FRMD4B: variants seen among roughly 807,000 people sequenced by gnomAD.
FRMD4B encodes FERM domain-containing protein 4B.
Under a neutral mutation model 141.5 loss-of-function variants are expected in FRMD4B, and 74 were observed. The ratio of observed to expected loss-of-function variants is 0.52; its 90% CI spans 0.43 to 0.63. The LOEUF is 0.63. Among genes scored for constraint, FRMD4B ranks in the 30% least tolerant of loss-of-function variants. The pLI is 0.00. For missense variants in FRMD4B, 1,366 were observed against 1,253.4 expected, an observed-to-expected ratio of 1.09 and a Z score of -1.36; for synonymous variants, 506 against 467.9, an observed-to-expected ratio of 1.08 and a Z score of -1.05.
intron 20 of FRMD4B, among the ~76,000 whole-genome samples, chr3:69,182,270 C>T (rs962907053): frequency 1.3e-5 from 2 of 152,104 alleles, no homozygotes; most frequent in African/African-American, 2.4e-5. Context: ...ACTAAATAAT[C>T]CAGTGAATAT....
At chr3:69,271,836 A>G (rs2093595780) in intron 5 of FRMD4B, among the ~76,000 whole-genome samples, 1 of 152,076 alleles carries the variant, frequency 6.6e-6, no homozygotes, top group Admixed American at 6.5e-5. Context: ...TTAGCTGGGC[A>G]TGGTGGCGGA....
At chr3:69,509,880 T>C (rs1207030635) in intron 1 of FRMD4B, among the ~76,000 whole-genome samples, 1 of 151,740 alleles carries the variant, frequency 6.6e-6, no homozygotes, top group Non-Finnish European at 1.5e-5. Flanking sequence ...GAGTATCAAA[T>C]ATTGCAATCA....
Position 69,365,735 on chromosome 3 carries a change from T to G in FRMD4B, c.162+20093A>C, listed in dbSNP as rs562390226. Reference sequence around the variant, plus strand: ...CTCATCTTGAACTCTTGACTTCAAGTGATACACCCGCCTCGGCCTCCCAAA... The same window carrying G: ...CTCATCTTGAACTCTTGACTTCAAGGGATACACCCGCCTCGGCCTCCCAAA... On this transcript the variant is annotated intron_variant, in intron 1 of 22. Transcript: ENST00000398540. 3.9e-5 allele frequency among the ~76,000 whole-genome samples: 6 copies of G among 152,128 alleles called. No homozygotes were observed. In the East Asian group the frequency reaches 1.2e-3, roughly 30 times the overall value.
rs376108738 is a variant in FRMD4B at position 69,219,091 on chromosome 3, G to A, written c.732-712C>T. On this transcript the variant is annotated intron_variant, in intron 9 of 22. Coordinates refer to ENST00000398540, the MANE Select transcript of FRMD4B (RefSeq NM_015123.3). ...GAGGCAGGAGAATTGCTTGAATTCG[G>A]GAGGTGGAGGTTGCAGTGAGCCGAG... 5.8e-3 allele frequency among the ~76,000 whole-genome samples: 868 copies of A among 150,462 alleles called. 3 individuals carry two copies. Among genetic ancestry groups the A allele is most frequent in the Middle Eastern group, 0.038 (11 of 288 alleles).
Position 69,289,278 on chromosome 3 carries a change from G to A in FRMD4B, c.417-1442C>T, listed in dbSNP as rs563160919. On this transcript the variant is annotated intron_variant, in intron 4 of 22. Transcript: ENST00000398540. Reference sequence around the variant, plus strand: ...CTTTTTTAAATTGAATGTCGTGACTGTACTTATCTCTGAGGAAAGAACAGA... The same window carrying A: ...CTTTTTTAAATTGAATGTCGTGACTATACTTATCTCTGAGGAAAGAACAGA... 7.2e-5 allele frequency among the ~76,000 whole-genome samples: 11 copies of A among 152,286 alleles called. 1 individual carries two copies. In the South Asian group the frequency reaches 2.3e-3, roughly 32 times the overall value.
At chr3:69,196,701 C>T (rs1353540670) in intron 13 of FRMD4B, 199 bp downstream of exon 13, 2 of 583,040 alleles carry the variant, frequency 3.4e-6, no homozygotes, top group Admixed American at 6.8e-5. Flanking sequence ...AAAAGTTGGC[C>T]AGTCTTACAA....
At chr3:69,389,456 G>A (rs182100300), upstream of FRMD4B, among the ~76,000 whole-genome samples, 194 of 152,280 alleles carry the variant, frequency 1.3e-3, 3 homozygotes, top group Admixed American at 0.01. Context: ...GTGGCAACTT[G>A]TTTTCAGGGA....
intron 7 of FRMD4B, among the ~76,000 whole-genome samples, chr3:69,231,804 G>A (rs1462824992): frequency 6.6e-6 from 1 of 152,220 alleles, no homozygotes; most frequent in African/African-American, 2.4e-5. Flanking sequence ...CCACTGGGAT[G>A]TTAGAAACAC....
chr3:69,531,711 T>C (rs1701011400), intron 1 of FRMD4B, among the ~76,000 whole-genome samples: 1 of 152,202 alleles, frequency 6.6e-6, no homozygotes, highest in South Asian at 2.1e-4. Flanking sequence ...TTTCATAGCT[T>C]TTCTCTGAGA....
At chr3:69,420,208 A>G (rs947330360) in intron 2 of FRMD4B, among the ~76,000 whole-genome samples, 1 of 151,094 alleles carries the variant, frequency 6.6e-6, no homozygotes, top group African/African-American at 2.4e-5. Flanking sequence ...ATCCCTGGGA[A>G]AAATCTCAGA....
chr3:69,489,253 T>C (rs1040670075), intron 1 of FRMD4B, among the ~76,000 whole-genome samples: 4 of 148,958 alleles, frequency 2.7e-5, no homozygotes, highest in Non-Finnish European at 6.0e-5. Context: ...AGAAAATATA[T>C]AAATGAGATA....
At chr3:69,352,735 C>T (rs1440404082) in intron 1 of FRMD4B, among the ~76,000 whole-genome samples, 3 of 152,134 alleles carry the variant, frequency 2.0e-5, no homozygotes, top group African/African-American at 4.8e-5. Context: ...AATTGGAAGC[C>T]GTCCCCAAAA....
chr3:69,494,158 G>A (rs1706348308), intron 1 of FRMD4B, among the ~76,000 whole-genome samples: 1 of 152,170 alleles, frequency 6.6e-6, no homozygotes, highest in Non-Finnish European at 1.5e-5. Context: ...GGGATTATAG[G>A]CATGAGCCAC....
At chr3:69,240,015 T>C (rs966408817) in intron 7 of FRMD4B, among the ~76,000 whole-genome samples, 1 of 150,358 alleles carries the variant, frequency 6.7e-6, no homozygotes, top group African/African-American at 2.5e-5. Context: ...ATCATGCCAC[T>C]TGCACTCCAG....
At chr3:69,190,307 T>A (rs185271593) in intron 17 of FRMD4B, among the ~76,000 whole-genome samples, 3 of 152,300 alleles carry the variant, frequency 2.0e-5, no homozygotes, top group Non-Finnish European at 2.9e-5. Flanking sequence ...GCCATTCTTA[T>A]CATAAATGCT....
chr3:69,328,506 G>A (rs1332049452), intron 1 of FRMD4B, among the ~76,000 whole-genome samples: 1 of 152,134 alleles, frequency 6.6e-6, no homozygotes, highest in East Asian at 1.9e-4. Flanking sequence ...GAGACCTACT[G>A]GGCTGCATTC....
chr3:69,173,177 T>C (rs1043636809), intron 22 of FRMD4B, among the ~76,000 whole-genome samples: 1 of 151,982 alleles, frequency 6.6e-6, no homozygotes, highest in African/African-American at 2.4e-5. Flanking sequence ...GAATGGAAAA[T>C]AGGAGGTGAA....
At chr3:69,368,571 A>C (rs1367726295) in intron 1 of FRMD4B, among the ~76,000 whole-genome samples, 1 of 152,180 alleles carries the variant, frequency 6.6e-6, no homozygotes, top group African/African-American at 2.4e-5. Flanking sequence ...CAATTGCCAC[A>C]TTTTGAGTAT....
intron 1 of FRMD4B, among the ~76,000 whole-genome samples, chr3:69,322,586 CTCTCTCTCT>C (rs1189376314): frequency 3.6e-5 from 5 of 139,182 alleles, no homozygotes; most frequent in South Asian, 4.6e-4. Context: ...TTAGATTTTT[CTCTCTCTCT>C]TTTTTTTTTT....
Sources: allele counts gnomAD v4.1 joint callset (sites outside exome capture counted in the v4.1 genomes callset), GRCh38; gene constraint gnomAD v4.1.1; transcripts MANE v1.5; gene names NCBI Gene and HGNC (gene_info 2026-07-23, HGNC 2026-07-21).